The following ZNF79 variants were observed in gnomAD, a reference collection of about 807,000 sequenced individuals.
ZNF79 encodes the protein zinc finger protein 79.
In ZNF79, 13 loss-of-function variants were observed where a neutral mutation model predicts 14.9. That is an observed-to-expected ratio of 0.87 (90% confidence interval 0.57 to 1.38). The LOEUF (loss-of-function observed/expected upper bound fraction) is 1.38. ZNF79 is among the 40% of genes most tolerant of loss of function. The pLI, the probability that ZNF79 is intolerant of heterozygous loss-of-function variation, is 0.00. For synonymous variants in ZNF79, 223 were observed against 235.1 expected (o/e 0.95, Z 0.47); for missense variants, 631 against 630.6 (o/e 1.00, Z -0.01).
intron 3 of ZNF79, among the ~76,000 whole-genome samples, chr9:127,435,478 G>A (rs1313710526): frequency 1.3e-5 from 2 of 152,188 alleles, no homozygotes; most frequent in Admixed American, 1.3e-4. Flanking sequence ...TCTATGTTCA[G>A]TACGTTTCCA....
In ZNF79 at chr9:127,428,893, T is replaced by C. The variant is rs373748455; in HGVS notation, c.78T>C (p.Ala26=). The change falls in exon 2 of 5, where the codon GCT becomes GCC. Residue 26 remains alanine (A), a synonymous_variant. Transcript: ENST00000342483. Reference sequence around the variant, plus strand: ...AAAACACAGGAGAGGAAGGAATGGCTGCTGGTCTCCTCACAGCTGGGCCCC... The same window carrying C: ...AAAACACAGGAGAGGAAGGAATGGCCGCTGGTCTCCTCACAGCTGGGCCCC... ...QEENTGEEGM[A]AGLLTAGPRG... The C allele has an allele frequency of 1.7e-5, 28 of 1,604,628 alleles. No homozygotes were observed. The African/African-American group carries it at 3.5e-4, about 20-fold the overall frequency.
chr9:127,443,667 C>A lies in ZNF79; in HGVS notation c.329-362C>A, dbSNP rs186241372. On this transcript the variant is annotated intron_variant, in intron 4 of 4. Coordinates refer to ENST00000342483, the MANE Select transcript of ZNF79 (RefSeq NM_007135.3). ...CTGTAATCCCAGTACTTTGGGAGGCCGAGGCGGGTGGATCACGAGGTCAGG... is the reference window on the plus strand; with the variant it reads ...CTGTAATCCCAGTACTTTGGGAGGCAGAGGCGGGTGGATCACGAGGTCAGG... Among the ~76,000 whole-genome samples, 413 of 152,026 alleles carry A rather than the reference C, an allele frequency of 2.7e-3. 4 individuals are homozygous for A. Among genetic ancestry groups the A allele is most frequent in the African/African-American group, 9.6e-3 (398 of 41,472 alleles).
chr9:127,439,001 A>G (rs948409353), intron 4 of ZNF79, among the ~76,000 whole-genome samples: 1 of 152,142 alleles, frequency 6.6e-6, no homozygotes, highest in Non-Finnish European at 1.5e-5. Context: ...AGTCCCAGCT[A>G]CTAGGGAGGC....
At chr9:127,425,605 G>A (rs930055584) in intron 1 of ZNF79, among the ~76,000 whole-genome samples, 1 of 151,858 alleles carries the variant, frequency 6.6e-6, no homozygotes, top group Non-Finnish European at 1.5e-5. Flanking sequence ...GTTTTGTTTT[G>A]TTTTTGAGAC....
chr9:127,445,034 A>C lies in ZNF79; in HGVS notation c.1334A>C (p.Tyr445Ser). The change falls in exon 5 of 5, where the codon TAT becomes TCT. Residue 445 changes from tyrosine to serine, a missense_variant. Transcript: ENST00000342483. ...HHIIHTGEKP[Y>S]ECNECGKAFN... The stretch of plus-strand genomic sequence containing the variant: ...ATAATCCACACCGGAGAAAAACCTT[A>C]TGAGTGTAATGAGTGTGGTAAAGCG... The C allele has an allele frequency of 6.2e-7, 1 of 1,614,114 alleles. No homozygotes were observed. The highest frequency in any genetic ancestry group is 8.5e-7 in the Non-Finnish European group (1 of 1,180,020).
chr9:127,438,733 C>T (rs893002174), intron 4 of ZNF79, among the ~76,000 whole-genome samples: 4 of 152,070 alleles, frequency 2.6e-5, no homozygotes, highest in African/African-American at 7.2e-5. Context: ...GAGTCCTGCT[C>T]GGGCAGGTGA....
chr9:127,444,229 G>T lies in ZNF79; in HGVS notation c.529G>T (p.Glu177Ter), dbSNP rs1212549980. Reference protein sequence around the residue: ...ARPRKCETHTESFKNSEILKP... With the variant: ...ARPRKCETHT ...ACCTCGCAAATGTGAGACACACACC[G>T]AGAGCTTCAAGAACTCGGAAATCCT... Residue 177 changes from glutamate (E) to a stop codon, truncating the protein, a stop_gained, in exon 5 of 5, where the codon GAG becomes TAG. Coordinates refer to ENST00000342483, the MANE Select transcript of ZNF79 (RefSeq NM_007135.3). LOFTEE classifies it low-confidence loss of function (END_TRUNC). The T allele has an allele frequency of 6.2e-7, 1 of 1,614,080 alleles. No homozygotes were observed. The highest frequency in any genetic ancestry group is 8.5e-7 in the Non-Finnish European group (1 of 1,180,000).
chr9:127,444,389 T>A lies in ZNF79; in HGVS notation c.689T>A (p.Phe230Tyr), dbSNP rs1834113733. ...PYECSECGKA[F>Y]SQSSSLIQHQ... ...GAGTGCAGTGAATGTGGGAAGGCCT[T>A]CAGCCAGAGCTCATCTCTCATTCAG... The change falls in exon 5 of 5, where the codon TTC becomes TAC. Residue 230 changes from phenylalanine (F) to tyrosine (Y), a missense_variant. Transcript: ENST00000342483. The A allele has an allele frequency of 6.2e-7, 1 of 1,612,470 alleles. No homozygotes were observed. Among genetic ancestry groups the A allele is most frequent in the Non-Finnish European group, 8.5e-7 (1 of 1,178,768 alleles).
Position 127,428,812 on chromosome 9 carries a change from G to GT in ZNF79, c.17-13dup, listed in dbSNP as rs778229254. 14 of 1,548,898 alleles carry GT rather than the reference G, an allele frequency of 9.0e-6. No individual in the cohort carries two copies. Among genetic ancestry groups the GT allele is most frequent in the Middle Eastern group, 1.8e-4 (1 of 5,676 alleles). On this transcript the variant is annotated intron_variant, in intron 1 of 4. Transcript: ENST00000342483. ...TCATAAACTGCTTTTAACATTATTA[G>GT]TTTTTTTCTCTTTCTCTAGTACTGC... is the stretch of plus-strand genomic sequence containing the variant.
intron 2 of ZNF79, among the ~76,000 whole-genome samples, chr9:127,429,207 G>C (rs1474076018): frequency 6.6e-6 from 1 of 151,988 alleles, no homozygotes; most frequent in Non-Finnish European, 1.5e-5. Flanking sequence ...GTAGAGATGG[G>C]GTTTCACCAT....
chr9:127,433,052 GATTACAGGC>G (rs1476436224), intron 2 of ZNF79, among the ~76,000 whole-genome samples: 5 of 152,100 alleles, frequency 3.3e-5, no homozygotes, highest in African/African-American at 1.2e-4. Context: ...AAAGTGCTGG[GATTACAGGC>G]ATGAGCCATC....
intron 1 of ZNF79, among the ~76,000 whole-genome samples, chr9:127,425,591 G>GT (rs1273985069): frequency 9.2e-5 from 14 of 151,652 alleles, no homozygotes; most frequent in Admixed American, 3.3e-4. Flanking sequence ...GTTTTTTTTT[G>GT]TTTGTTTTGT....
In ZNF79 at chr9:127,445,329, A is replaced by G; in HGVS notation, c.*132A>G. On this transcript the variant is annotated 3_prime_UTR_variant, in exon 5 of 5. Coordinates refer to ENST00000342483, the MANE Select transcript of ZNF79 (RefSeq NM_007135.3). ...CTTAGAGTCTGCAGCCCAGAGCCAC[A>G]TGCAAAACACCTTCAATAAACAGCC... 2 of 875,924 alleles carry G rather than the reference A, an allele frequency of 2.3e-6. No individual in the cohort carries two copies. The highest frequency in any genetic ancestry group is 3.5e-6 in the Non-Finnish European group (2 of 577,838). The allele number at this position is 875,924 out of a possible 1,614,324, so 54.3% of individuals were successfully genotyped here. A position where few individuals can be genotyped will look rare whatever the true frequency, so the allele number is the denominator to read the frequency against.
At position 127,435,971 on chromosome 9, in the gene ZNF79, T is replaced by C. The variant is rs760732822; in HGVS notation, c.296T>C (p.Leu99Pro). The C allele has an allele frequency of 6.2e-7, 1 of 1,614,246 alleles. No individual in the cohort carries two copies. Among genetic ancestry groups the C allele is most frequent in the East Asian group, 2.2e-5 (1 of 44,890 alleles). ...QLEQREGAWMLEGEDLRSPSP... is the reference protein window; with the variant it reads ...QLEQREGAWMPEGEDLRSPSP... ...GAACAAAGGGAAGGCGCATGGATGC[T>C]GGAGGGCGAAGACCTGCGAAGTCCC... Residue 99 changes from leucine (L) to proline (P), a missense_variant, in exon 4 of 5, where the codon CTG becomes CCG. Leu to Pro is a moderately conservative substitution (Grantham distance 98, BLOSUM62 -3). Coordinates refer to ENST00000342483, the MANE Select transcript of ZNF79 (RefSeq NM_007135.3).
chr9:127,433,072 G>A (rs1833888603), intron 2 of ZNF79, among the ~76,000 whole-genome samples: 1 of 152,016 alleles, frequency 6.6e-6, no homozygotes, highest in Non-Finnish European at 1.5e-5. Context: ...ATGAGCCATC[G>A]TGCCTGGCAT....
chr9:127,445,261 T>A lies in ZNF79; in HGVS notation c.*64T>A. The A allele has an allele frequency of 6.5e-7, 1 of 1,540,342 alleles. No individual in the cohort carries two copies. Among genetic ancestry groups the A allele is most frequent in the Non-Finnish European group, 8.8e-7 (1 of 1,133,462 alleles). On this transcript the variant is annotated 3_prime_UTR_variant, in exon 5 of 5. Transcript: ENST00000342483. The stretch of plus-strand genomic sequence containing the variant: ...CCGACTCAGGACAGGTGGGTGAGGA[T>A]CTGAGAAATGCTAAAGGCTTGAAAG...
chr9:127,444,811 A>T lies in ZNF79; in HGVS notation c.1111A>T (p.Ser371Cys), dbSNP rs767530478. The change falls in exon 5 of 5, where the codon AGC becomes TGC. Residue 371 changes from serine (S) to cysteine (C), a missense_variant. Ser to Cys is a moderately radical substitution (Grantham distance 112). Coordinates refer to ENST00000342483, the MANE Select transcript of ZNF79 (RefSeq NM_007135.3). ...YRCAACGKAF[S>C]QSANLTNHQR... ...ATGTGCCGCGTGTGGGAAGGCCTTC[A>T]GCCAGAGTGCAAACCTCACAAACCA... 1.9e-6 allele frequency: 3 copies of T among 1,608,148 alleles called. No individual in the cohort carries two copies. In the East Asian group the frequency reaches 6.7e-5, roughly 36 times the overall value.
At position 127,424,492 on chromosome 9, in the gene ZNF79, G is replaced by GCCAGTTC; in HGVS notation, c.-291_-290insTCCCAGT. On this transcript the variant is annotated 5_prime_UTR_variant, in exon 1 of 5. Transcript: ENST00000342483. ...GGTAGATTGTTGCCAGTTGCCAGTTGCCAGTCGTTTTTCGGAAAGCTGGCA... is the reference window on the plus strand; with the variant it reads ...GGTAGATTGTTGCCAGTTGCCAGTTGCCAGTTCCCAGTCGTTTTTCGGAAAGCTGGCA... The GCCAGTTC allele has an allele frequency of 2.5e-6, 1 of 398,364 alleles. No individual in the cohort carries two copies. Among genetic ancestry groups the GCCAGTTC allele is most frequent in the South Asian group, 3.5e-5 (1 of 28,850 alleles). 24.7% of individuals were successfully genotyped at this position (398,364 alleles called of 1,614,324 possible). A position where few individuals can be genotyped will look rare whatever the true frequency, so the allele number is the denominator to read the frequency against.
chr9:127,430,848 CCA>C (rs1399782306), intron 2 of ZNF79, among the ~76,000 whole-genome samples: 11 of 152,340 alleles, frequency 7.2e-5, no homozygotes, highest in African/African-American at 2.6e-4. Context: ...TGAGAAATCT[CCA>C]AACTGTTTTT....
Sources: allele counts gnomAD v4.1 joint callset (sites outside exome capture counted in the v4.1 genomes callset), GRCh38; gene constraint gnomAD v4.1.1; transcripts MANE v1.5; gene names NCBI Gene and HGNC (gene_info 2026-07-23, HGNC 2026-07-21).